Variants in PKHD1 observed in about 807,000 individuals in gnomAD.
PKHD1 encodes fibrocystin.
In PKHD1, 291 loss-of-function variants were observed where a neutral mutation model predicts 412.0. The observed-to-expected ratio is 0.71, with a 90% CI of 0.64 to 0.78. The LOEUF is 0.78. Among genes scored for constraint, PKHD1 ranks in the 30% least tolerant of loss-of-function variants. PKHD1 has a pLI of 0.00. For missense variants in PKHD1, 4,825 were observed against 4,950.7 expected (o/e 0.97, Z 0.76); for synonymous variants, 1,777 against 1,821.5 (o/e 0.98, Z 0.62).
intron 60 of PKHD1, among the ~76,000 whole-genome samples, chr6:51,718,562 T>C (rs1486587774): frequency 6.6e-6 from 1 of 152,200 alleles, no homozygotes; most frequent in Non-Finnish European, 1.5e-5. Flanking sequence ...GTTTAAGCAA[T>C]CAGGATATTA....
At chr6:51,951,468 C>T (rs1261346152) in intron 36 of PKHD1, among the ~76,000 whole-genome samples, 1 of 152,124 alleles carries the variant, frequency 6.6e-6, no homozygotes, top group Admixed American at 6.6e-5. Flanking sequence ...TCATTTTTGA[C>T]CAGCCTGCAA....
chr6:52,032,304 C>T (rs1047915724), intron 29 of PKHD1, among the ~76,000 whole-genome samples: 3 of 152,086 alleles, frequency 2.0e-5, no homozygotes, highest in African/African-American at 7.2e-5. Flanking sequence ...ATTCAGTTCA[C>T]CAGAAAGGGA....
intron 60 of PKHD1, among the ~76,000 whole-genome samples, chr6:51,709,569 C>A (rs1251245285): frequency 2.0e-5 from 3 of 152,148 alleles, no homozygotes; most frequent in Admixed American, 2.0e-4. Flanking sequence ...CAAAAGACAG[C>A]ACTCTTTCTA....
intron 52 of PKHD1, among the ~76,000 whole-genome samples, chr6:51,807,486 T>TGC (rs1764017063): frequency 5.9e-5 from 3 of 50,914 alleles, no homozygotes; most frequent in Admixed American, 1.6e-4. Flanking sequence ...TATATGTATA[T>TGC]GTGTGTGTGT....
At position 51,870,448 on chromosome 6, in the gene PKHD1, T is replaced by A. The variant is rs1775798703; in HGVS notation, c.7486+56A>T. ...ACAAAGTATTTGCCACTATTTATAA[T>A]ACTGACTTGAATATGGGCCTTATTT... On this transcript the variant is annotated intron_variant, in intron 47 of 66. Transcript: ENST00000371117. 3.6e-6 allele frequency: 5 copies of A among 1,372,860 alleles called. No homozygotes were observed. The Admixed American group carries it at 8.4e-5, about 23-fold the overall frequency. 85.0% of individuals were successfully genotyped at this position (1,372,860 alleles called of 1,614,324 possible). A position where few individuals can be genotyped will look rare whatever the true frequency, so the allele number is the denominator to read the frequency against.
At chr6:51,935,713 A>G (rs1787365818) in intron 36 of PKHD1, among the ~76,000 whole-genome samples, 1 of 152,210 alleles carries the variant, frequency 6.6e-6, no homozygotes, top group African/African-American at 2.4e-5. Context: ...GTTCACACAT[A>G]TGCTACAAAC....
chr6:51,808,405 G>C (rs1298924958), intron 52 of PKHD1, among the ~76,000 whole-genome samples: 1 of 151,766 alleles, frequency 6.6e-6, no homozygotes, highest in Non-Finnish European at 1.5e-5. Flanking sequence ...TTTGAATTTT[G>C]AACAAAGTAA....
chr6:51,730,645 G>GA (rs1295227496), intron 60 of PKHD1, among the ~76,000 whole-genome samples: 2 of 152,024 alleles, frequency 1.3e-5, no homozygotes, highest in African/African-American at 4.8e-5. Flanking sequence ...AATACATAAA[G>GA]AAAAAACTGT....
intron 43 of PKHD1, among the ~76,000 whole-genome samples, chr6:51,901,032 G>C (rs1781183059): frequency 6.6e-6 from 1 of 152,046 alleles, no homozygotes; most frequent in Non-Finnish European, 1.5e-5. Flanking sequence ...GTGCTGGAGA[G>C]GATGTGGAGA....
intron 60 of PKHD1, among the ~76,000 whole-genome samples, chr6:51,691,549 A>G (rs954081490): frequency 2.0e-5 from 3 of 152,188 alleles, no homozygotes; most frequent in Non-Finnish European, 4.4e-5. Flanking sequence ...GCAAACTAAC[A>G]TGAGAAAAGA....
intron 35 of PKHD1, among the ~76,000 whole-genome samples, chr6:52,006,661 G>A (rs1400810618): frequency 6.6e-6 from 1 of 152,144 alleles, no homozygotes; most frequent in Non-Finnish European, 1.5e-5. Context: ...ACAGGCATGA[G>A]CCACCACACC....
chr6:51,904,180 T>A, intron 41 of PKHD1, 138 bp from the exon 42 acceptor site: 1 of 685,448 alleles, frequency 1.5e-6, no homozygotes, highest in Admixed American at 2.1e-5. Flanking sequence ...GGGAAAGAGA[T>A]ACAGATCTTA....
chr6:51,830,447 T>C (rs1768047920), intron 52 of PKHD1, among the ~76,000 whole-genome samples: 1 of 152,188 alleles, frequency 6.6e-6, no homozygotes, highest in Non-Finnish European at 1.5e-5. Context: ...GCTTGTCATT[T>C]TTCCTCAGTC....
At chr6:51,961,367 T>C (rs2127953913) in intron 35 of PKHD1, among the ~76,000 whole-genome samples, 1 of 152,238 alleles carries the variant, frequency 6.6e-6, no homozygotes, top group Non-Finnish European at 1.5e-5. Flanking sequence ...GTTTTCTACA[T>C]CTGCAAAGAA....
At chr6:51,643,807 A>C (rs1038550093) in intron 63 of PKHD1, among the ~76,000 whole-genome samples, 7 of 152,116 alleles carry the variant, frequency 4.6e-5, no homozygotes, top group African/African-American at 1.2e-4. Context: ...ATTAAGCCCC[A>C]CATGCATTAG....
intron 60 of PKHD1, among the ~76,000 whole-genome samples, chr6:51,693,320 A>G (rs1778398634): frequency 6.6e-6 from 1 of 152,176 alleles, no homozygotes; most frequent in Non-Finnish European, 1.5e-5. Flanking sequence ...TATACTTACT[A>G]TCTACTACTT....
chr6:51,708,366 T>C (rs1038833078), intron 60 of PKHD1, among the ~76,000 whole-genome samples: 18 of 152,234 alleles, frequency 1.2e-4, no homozygotes, highest in Admixed American at 1.0e-3. Flanking sequence ...ATGTCATTAT[T>C]CTGTACTGAA....
chr6:51,743,208 C>A (rs1784779857), intron 60 of PKHD1, among the ~76,000 whole-genome samples: 1 of 151,838 alleles, frequency 6.6e-6, no homozygotes, highest in South Asian at 2.1e-4. Flanking sequence ...AGAAGACCAG[C>A]AAGGAGGCTA....
intron 36 of PKHD1, among the ~76,000 whole-genome samples, chr6:51,950,220 A>AAATATATATATATATATATATATATAT: frequency 1.8e-4 from 18 of 98,292 alleles, no homozygotes; most frequent in African/African-American, 3.8e-4. Context: ...GAAAAAAAAA[A>AAATATATATATATATATATATATATAT]ATATATATAT....
Sources: allele counts gnomAD v4.1 joint callset (sites outside exome capture counted in the v4.1 genomes callset), GRCh38; gene constraint gnomAD v4.1.1; transcripts MANE v1.5; gene names NCBI Gene and HGNC (gene_info 2026-07-23, HGNC 2026-07-21).